The following CCDC171 variants were observed in gnomAD, a reference collection of about 807,000 sequenced individuals.
The protein encoded by CCDC171 is coiled-coil domain containing 171.
CCDC171 carries 177 observed loss-of-function variants against 168.2 expected under a neutral mutation model. That is an observed-to-expected ratio of 1.05 (90% CI 0.93 to 1.19). The LOEUF (loss-of-function observed/expected upper bound fraction) is 1.19, where lower values mean the gene tolerates loss of function less well. CCDC171 is among the 50% of genes most tolerant of loss of function. The pLI is 0.00. For missense variants in CCDC171, 1,991 were observed against 1,539.0 expected (o/e 1.29, Z -4.91); for synonymous variants, 687 against 540.8 (o/e 1.27, Z -3.75).
chr9:15,839,577 T>A (rs1403113471), intron 21 of CCDC171, among the ~76,000 whole-genome samples: 1 of 152,208 alleles, frequency 6.6e-6, no homozygotes, highest in Non-Finnish European at 1.5e-5. Context: ...TCAAATGAAC[T>A]AATGTAATTA....
intron 10 of CCDC171, among the ~76,000 whole-genome samples, chr9:15,685,420 G>C (rs1264775762): frequency 6.6e-6 from 1 of 152,092 alleles, no homozygotes; most frequent in Non-Finnish European, 1.5e-5. Context: ...GAGCCCAGGA[G>C]TTTGAGACCA....
At chr9:15,864,395 G>T (rs1437569880) in intron 23 of CCDC171, among the ~76,000 whole-genome samples, 1 of 151,920 alleles carries the variant, frequency 6.6e-6, no homozygotes, top group Non-Finnish European at 1.5e-5. Context: ...GTGCCATGTT[G>T]GTGTGTTGCA....
intron 7 of CCDC171, among the ~76,000 whole-genome samples, chr9:15,648,519 C>T (rs938672348): frequency 3.3e-5 from 5 of 152,198 alleles, no homozygotes; most frequent in South Asian, 2.1e-4. Context: ...AGCCCAAAAT[C>T]TCCTTAAGCT....
At chr9:15,844,118 T>A (rs1447383323) in intron 21 of CCDC171, among the ~76,000 whole-genome samples, 1 of 152,126 alleles carries the variant, frequency 6.6e-6, no homozygotes, top group Non-Finnish European at 1.5e-5. Context: ...GAGAAATTAG[T>A]GGCTAACCTG....
At chr9:15,571,177 T>A (rs944565754) in intron 2 of CCDC171, among the ~76,000 whole-genome samples, 3 of 152,224 alleles carry the variant, frequency 2.0e-5, no homozygotes, top group African/African-American at 4.8e-5. Context: ...ACCTCTAAAT[T>A]CTGTTTGCTG....
intron 4 of CCDC171, among the ~76,000 whole-genome samples, chr9:15,590,777 CTT>C (rs796166036): frequency 1.0e-3 from 106 of 104,288 alleles, no homozygotes; most frequent in African/African-American, 3.2e-3. Context: ...CTTTCTCTTT[CTT>C]TCTTTCTTTC....
intron 1 of CCDC171, among the ~76,000 whole-genome samples, chr9:16,044,522 C>G (rs1383793855): frequency 7.3e-6 from 1 of 136,194 alleles, no homozygotes; most frequent in Non-Finnish European, 1.6e-5. Context: ...ATATAGCCAG[C>G]TATTTAATAA....
At chr9:16,055,523 T>C (rs1335953632) in intron 1 of CCDC171, among the ~76,000 whole-genome samples, 1 of 152,168 alleles carries the variant, frequency 6.6e-6, no homozygotes, top group Non-Finnish European at 1.5e-5. Context: ...TGGGGTCCTT[T>C]CATGTCCACT....
In CCDC171 at chr9:15,582,031, A is replaced by C. The variant is rs559820417; in HGVS notation, c.352+3008A>C. Among the ~76,000 whole-genome samples, 5 of 152,376 alleles carry C rather than the reference A, an allele frequency of 3.3e-5. No individual in the cohort carries two copies. In the East Asian group the frequency reaches 7.7e-4, roughly 23 times the overall value. On this transcript the variant is annotated intron_variant, in intron 4 of 25. Coordinates refer to ENST00000380701, the MANE Select transcript of CCDC171 (RefSeq NM_173550.4). ...GGGAGAAAACTTTTGCAATCTATCC[A>C]TCTGACAAAGGGCTAATATCCAGAA...
At chr9:15,907,730 A>C in intron 24 of CCDC171, among the ~76,000 whole-genome samples, 1 of 152,234 alleles carries the variant, frequency 6.6e-6, no homozygotes, top group Non-Finnish European at 1.5e-5. Context: ...CAACCTACAG[A>C]ATGGGAGAAA....
intron 11 of CCDC171, among the ~76,000 whole-genome samples, chr9:15,701,148 G>T (rs947645310): frequency 2.6e-5 from 4 of 152,116 alleles, no homozygotes; most frequent in African/African-American, 9.7e-5. Context: ...TTAGTCCCTT[G>T]TTTGATGAAT....
intron 21 of CCDC171, among the ~76,000 whole-genome samples, chr9:15,804,352 G>A (rs867692592): frequency 2.6e-4 from 40 of 152,156 alleles, no homozygotes; most frequent in Middle Eastern, 6.8e-3. Flanking sequence ...CATACTGTAT[G>A]ATATTGGCTG....
the CCDC171 span, among the ~76,000 whole-genome samples, chr9:16,072,233 C>T: frequency 1.3e-5 from 2 of 152,186 alleles, no homozygotes; most frequent in Admixed American, 1.3e-4. Flanking sequence ...TTTTCCTCTG[C>T]TATTGGGTAG....
At chr9:15,897,919 A>T (rs893602792) in intron 24 of CCDC171, among the ~76,000 whole-genome samples, 1 of 152,148 alleles carries the variant, frequency 6.6e-6, no homozygotes, top group East Asian at 1.9e-4. Context: ...TTGAATCCCA[A>T]TTCTGCTCTT....
At chr9:15,870,772 T>C (rs547363945) in intron 23 of CCDC171, among the ~76,000 whole-genome samples, 1 of 146,316 alleles carries the variant, frequency 6.8e-6, no homozygotes, top group South Asian at 2.2e-4. Context: ...AATTTCATAG[T>C]TGATATCTAG....
chr9:16,009,109 C>G (rs1021706780), intron 3 of CCDC171, among the ~76,000 whole-genome samples: 2 of 152,168 alleles, frequency 1.3e-5, no homozygotes, highest in South Asian at 4.1e-4. Flanking sequence ...AGGATGCTTT[C>G]TCTATTATTA....
chr9:15,908,291 G>A (rs1823032845), intron 24 of CCDC171, among the ~76,000 whole-genome samples: 1 of 152,192 alleles, frequency 6.6e-6, no homozygotes, highest in South Asian at 2.1e-4. Flanking sequence ...TTAAGAAAAT[G>A]TGGCACATAT....
chr9:16,069,417 A>G, the CCDC171 span, among the ~76,000 whole-genome samples: 56,330 of 152,136 alleles, frequency 0.37, 11,172 homozygotes, highest in African/African-American at 0.52. Context: ...GTGCATGTGC[A>G]TGTGCGTGTG....
chr9:15,725,613 C>T (rs1298648748), intron 14 of CCDC171, among the ~76,000 whole-genome samples: 5 of 152,018 alleles, frequency 3.3e-5, no homozygotes, highest in Admixed American at 3.3e-4. Context: ...CCATGCCTGG[C>T]TAATTTTTGT....
Sources: allele counts gnomAD v4.1 joint callset (sites outside exome capture counted in the v4.1 genomes callset), GRCh38; gene constraint gnomAD v4.1.1; transcripts MANE v1.5; gene names NCBI Gene and HGNC (gene_info 2026-07-23, HGNC 2026-07-21).